Variants in ATXN1 observed in about 807,000 individuals in gnomAD.
ATXN1 encodes the protein ataxin 1.
Under a neutral mutation model 56.4 loss-of-function variants are expected in ATXN1, and 8 were observed. That is an observed-to-expected ratio of 0.14 (90% CI 0.08 to 0.26). The LOEUF (loss-of-function observed/expected upper bound fraction) is 0.26, where lower values mean the gene tolerates loss of function less well. Among genes scored for constraint, ATXN1 ranks in the 10% least tolerant of loss-of-function variants. The pLI, the probability that ATXN1 is intolerant of heterozygous loss-of-function variation, is 1.00. For missense variants in ATXN1, 987 were observed against 1,106.5 expected (o/e 0.89, Z 1.53); for synonymous variants, 514 against 494.6 (o/e 1.04, Z -0.52).
chr6:16,428,421 C>T (rs1759205191), intron 6 of ATXN1, among the ~76,000 whole-genome samples: 2 of 151,848 alleles, frequency 1.3e-5, no homozygotes, highest in South Asian at 4.2e-4. Context: ...GCTCAGCTGA[C>T]CAGGACTAGT....
At chr6:16,329,962 C>T (rs2113418517) in intron 6 of ATXN1, among the ~76,000 whole-genome samples, 1 of 152,370 alleles carries the variant, frequency 6.6e-6, no homozygotes, top group South Asian at 2.1e-4. Context: ...TGTAGGTATG[C>T]ACAGTGCAAC....
chr6:16,306,262 C>G lies in ATXN1; in HGVS notation c.*67G>C. 1 of 1,483,190 alleles carries G rather than the reference C, an allele frequency of 6.7e-7. No individual in the cohort carries two copies. Among genetic ancestry groups the G allele is most frequent in the Non-Finnish European group, 9.0e-7 (1 of 1,112,588 alleles). The allele number at this position is 1,483,190 out of a possible 1,614,324, so 91.9% of individuals were successfully genotyped here. A position where few individuals can be genotyped will look rare whatever the true frequency, so the allele number is the denominator to read the frequency against. On this transcript the variant is annotated 3_prime_UTR_variant, in exon 8 of 8. Transcript: ENST00000436367. The surrounding 1 kb of genome is among the most constrained non-coding windows in gnomAD (Gnocchi z 5.2). Reference sequence around the variant, plus strand: ...ACATGTAAATACTGTGTTATTTTAGCCTACAGTACAGTAATCTGGATACAA... The same window carrying G: ...ACATGTAAATACTGTGTTATTTTAGGCTACAGTACAGTAATCTGGATACAA...
At chr6:16,590,489 A>G (rs572773600) in intron 3 of ATXN1, among the ~76,000 whole-genome samples, 59 of 152,320 alleles carry the variant, frequency 3.9e-4, no homozygotes, top group African/African-American at 1.2e-3. Flanking sequence ...AGAGTTTTAT[A>G]TATTAAGTCC....
intron 2 of ATXN1, among the ~76,000 whole-genome samples, chr6:16,745,972 GTC>G (rs1491071060): frequency 5.7e-5 from 8 of 141,478 alleles, no homozygotes; most frequent in Non-Finnish European, 9.2e-5. Flanking sequence ...GTGTGTGTGT[GTC>G]TGTTTTTATT....
At chr6:16,364,295 A>C (rs146492132) in intron 6 of ATXN1, among the ~76,000 whole-genome samples, 6 of 152,128 alleles carry the variant, frequency 3.9e-5, no homozygotes, top group African/African-American at 1.4e-4. Context: ...AAATGGCTTC[A>C]TGCTGAGGTT....
At position 16,437,155 on chromosome 6, in the gene ATXN1, T is replaced by C. The variant is rs569203916; in HGVS notation, c.-161+48817A>G. ...GCCCAGGCTGGAGAAGGTGTCAGTT[T>C]TGAGATGGTTTGAAGGCATCAACAA... On this transcript the variant is annotated intron_variant, in intron 6 of 7. Transcript: ENST00000436367. 3.2e-4 allele frequency among the ~76,000 whole-genome samples: 49 copies of C among 152,288 alleles called. 1 individual carries two copies. The highest frequency in any genetic ancestry group is 7.5e-4 in the African/African-American group (31 of 41,560).
At chr6:16,348,015 G>A (rs1307545665) in intron 6 of ATXN1, among the ~76,000 whole-genome samples, 2 of 152,206 alleles carry the variant, frequency 1.3e-5, no homozygotes, top group Admixed American at 6.5e-5. Flanking sequence ...CCACAGGGAG[G>A]AATGAACAAC....
rs57015402 is a variant in ATXN1 at position 16,356,161 on chromosome 6, A to G, written c.-160-27691T>C. ...ATTTCCTATCTCTGGACATACAGGG[A>G]AACACTGAAGAAGTGATGTCCTCTC... On this transcript the variant is annotated intron_variant, in intron 6 of 7. Transcript: ENST00000436367. 0.016 allele frequency among the ~76,000 whole-genome samples: 2,455 copies of G among 152,332 alleles called. 212 individuals are homozygous for G. In the East Asian group the frequency reaches 0.27, roughly 17 times the overall value.
chr6:16,520,327 G>GT (rs1561737077), intron 5 of ATXN1, among the ~76,000 whole-genome samples: 1 of 152,064 alleles, frequency 6.6e-6, no homozygotes, highest in African/African-American at 2.4e-5. Flanking sequence ...TCTGTGTTTA[G>GT]TTTTTTCTCA....
At chr6:16,565,139 T>C (rs1226564210) in intron 4 of ATXN1, among the ~76,000 whole-genome samples, 1 of 152,176 alleles carries the variant, frequency 6.6e-6, no homozygotes, top group Non-Finnish European at 1.5e-5. Flanking sequence ...AATCAATCTC[T>C]GCTTTATCTT....
At chr6:16,490,893 G>C (rs961787887) in intron 5 of ATXN1, among the ~76,000 whole-genome samples, 16 of 151,872 alleles carry the variant, frequency 1.1e-4, no homozygotes, top group African/African-American at 3.9e-4. Context: ...ACTAAGAGGA[G>C]CAACACACTC....
chr6:16,309,733 G>T (rs759331766), intron 7 of ATXN1, among the ~76,000 whole-genome samples: 1 of 152,064 alleles, frequency 6.6e-6, no homozygotes, highest in African/African-American at 2.4e-5. Context: ...AAAAAATATC[G>T]TTAAAAGCCT....
intron 3 of ATXN1, among the ~76,000 whole-genome samples, chr6:16,599,844 G>C (rs1762882910): frequency 6.6e-6 from 1 of 152,158 alleles, no homozygotes; most frequent in South Asian, 2.1e-4. Context: ...CAGCCCTTCT[G>C]TTCCTTCTGT....
intron 6 of ATXN1, among the ~76,000 whole-genome samples, chr6:16,384,451 G>A (rs1758196666): frequency 6.6e-6 from 1 of 152,176 alleles, no homozygotes; most frequent in Non-Finnish European, 1.5e-5. Flanking sequence ...TTCACCAAAT[G>A]AGTGATCACC....
At chr6:16,727,351 G>A (rs1034162503) in intron 2 of ATXN1, among the ~76,000 whole-genome samples, 2 of 152,134 alleles carry the variant, frequency 1.3e-5, no homozygotes, top group Admixed American at 6.5e-5. Flanking sequence ...AGTGAGGTTT[G>A]ATGCTGAAAA....
At chr6:16,693,865 C>G (rs1242111112) in intron 2 of ATXN1, among the ~76,000 whole-genome samples, 1 of 152,190 alleles carries the variant, frequency 6.6e-6, no homozygotes, top group Non-Finnish European at 1.5e-5. Context: ...AGTCCACCCC[C>G]AGTCACCCTT....
At chr6:16,552,146 C>T (rs1017398766) in intron 4 of ATXN1, among the ~76,000 whole-genome samples, 9 of 152,192 alleles carry the variant, frequency 5.9e-5, no homozygotes, top group African/African-American at 2.2e-4. Context: ...CTCAAAGATG[C>T]TACTCACACG....
At chr6:16,554,622 T>C (rs1197429388) in intron 4 of ATXN1, among the ~76,000 whole-genome samples, 1 of 152,132 alleles carries the variant, frequency 6.6e-6, no homozygotes, top group East Asian at 1.9e-4. Flanking sequence ...CGGCTAATTT[T>C]TTTGTATTTT....
At chr6:16,435,630 G>A (rs933180043) in intron 6 of ATXN1, among the ~76,000 whole-genome samples, 11 of 152,152 alleles carry the variant, frequency 7.2e-5, no homozygotes, top group African/African-American at 2.7e-4. Flanking sequence ...GGGATGGCAT[G>A]GAAATCACTG....
Sources: gnomAD v4.1 joint callset for allele counts (sites outside exome capture counted in the v4.1 genomes callset) on GRCh38, gnomAD v4.1.1 for gene constraint, Gnocchi (gnomAD v3.1) non-coding constraint, MANE v1.5 for transcripts, NCBI Gene and HGNC (gene_info 2026-07-23, HGNC 2026-07-21) for gene names.